Variants in LMO3 observed in about 807,000 individuals in gnomAD.
The protein encoded by LMO3 is LIM domain only 3.
LMO3 carries 2 observed loss-of-function variants against 15.8 expected under a neutral mutation model. The observed-to-expected ratio is 0.13, with a 90% CI of 0.05 to 0.40. The LOEUF is 0.40. Among genes scored for constraint, LMO3 ranks in the 10% least tolerant of loss-of-function variants. The pLI is 0.99. For missense variants in LMO3, 86 were observed against 182.2 expected (o/e 0.47, Z 3.04); for synonymous variants, 62 against 63.8 (o/e 0.97, Z 0.13).
At chr12:16,602,030 G>C (rs1368026992) in intron 1 of LMO3, 1 of 152,176 alleles carries the variant, frequency 6.6e-6, no homozygotes, top group African/African-American at 2.4e-5. Context: ...AGGCCCAAGA[G>C]AGGTTCAGAG....
chr12:16,558,856 A>G (rs1413536508), intron 3 of LMO3, among the ~76,000 whole-genome samples: 1 of 152,204 alleles, frequency 6.6e-6, no homozygotes, highest in Non-Finnish European at 1.5e-5. Flanking sequence ...GACATTTAAT[A>G]TAAATTAATT....
upstream of LMO3, chr12:16,609,331 G>C (rs1944084340): frequency 6.6e-6 from 1 of 152,074 alleles, no homozygotes; most frequent in Admixed American, 6.5e-5. Context: ...CCCCTCCCGC[G>C]AGGGAAAAAG....
intron 2 of LMO3, among the ~76,000 whole-genome samples, chr12:16,566,605 A>G (rs1942620426): frequency 1.3e-5 from 2 of 152,038 alleles, no homozygotes; most frequent in Admixed American, 1.3e-4. Context: ...AAGAAAAGAC[A>G]TTTTCTATTT....
At chr12:16,566,264 G>C (rs191835056) in intron 2 of LMO3, among the ~76,000 whole-genome samples, 119 of 151,530 alleles carry the variant, frequency 7.9e-4, no homozygotes, top group African/African-American at 2.7e-3. Context: ...GAGGGAAGGA[G>C]GAAGGGGAGA....
rs923902565 is a variant in LMO3, at chr12:16,549,777, G to A, written c.*1445C>T. ...AAAGAAGCAAGTTTGTGGGCAACTC[G>A]GAAGAGGGGATCATATTCTCATTTC... On this transcript the variant is annotated 3_prime_UTR_variant, in exon 4 of 4. Coordinates refer to ENST00000537304, the MANE Select transcript of LMO3 (RefSeq NM_018640.5). The A allele has an allele frequency of 2.6e-5, 4 of 152,168 alleles. No homozygotes were observed. In the East Asian group the frequency reaches 5.8e-4, roughly 22 times the overall value. The allele number at this position is 152,168 out of a possible 1,614,324, so 9.4% of individuals were successfully genotyped here. A position where few individuals can be genotyped will look rare whatever the true frequency, so the allele number is the denominator to read the frequency against.
At chr12:16,554,898 T>TCCGC (rs1170164791) in intron 3 of LMO3, among the ~76,000 whole-genome samples, 6 of 152,102 alleles carry the variant, frequency 3.9e-5, no homozygotes, top group South Asian at 2.1e-4. Flanking sequence ...AACCTCGTGA[T>TCCGC]CCGCCCGCCC....
At position 16,560,932 on chromosome 12, in the gene LMO3, A is replaced by C. The variant is rs1406756360; in HGVS notation, c.207-394T>G. On this transcript the variant is annotated intron_variant, in intron 2 of 3. Transcript: ENST00000537304. The surrounding 1 kb of genome is among the most constrained non-coding windows in gnomAD (Gnocchi z 5.0). ...AGTTGGGAAAGGAACCAACTAATGA[A>C]TGATTCACTACTTTTTGACATTTAG... 2.1e-5 allele frequency: 4 copies of C among 188,578 alleles called. No homozygotes were observed. The highest frequency in any genetic ancestry group is 3.4e-5 in the Non-Finnish European group (3 of 88,358). The allele number at this position is 188,578 out of a possible 1,614,324, so 11.7% of individuals were successfully genotyped here.
chr12:16,586,962 A>G lies in LMO3; in HGVS notation c.206+13693T>C, dbSNP rs190428608. Among the ~76,000 whole-genome samples the G allele has an allele frequency of 6.6e-6, 1 of 152,328 alleles. No homozygotes were observed. Among genetic ancestry groups the G allele is most frequent in the Admixed American group, 6.5e-5 (1 of 15,294 alleles). On this transcript the variant is annotated intron_variant, in intron 2 of 3. Coordinates refer to ENST00000537304, the MANE Select transcript of LMO3 (RefSeq NM_018640.5). The surrounding 1 kb of genome is among the most constrained non-coding windows in gnomAD (Gnocchi z 4.3). ...ATAGCTTAAAAACACATGCTTTATC[A>G]TCATTCAGTAGCAGTTTATTCATTA...
chr12:16,590,604 A>G (rs200837607), intron 2 of LMO3, among the ~76,000 whole-genome samples: 1 of 137,396 alleles, frequency 7.3e-6, no homozygotes, highest in African/African-American at 3.3e-5. Flanking sequence ...CCTAAGAATT[A>G]AAAAAAAAAA....
At chr12:16,580,950 CAG>C (rs2137534673) in intron 2 of LMO3, among the ~76,000 whole-genome samples, 1 of 152,280 alleles carries the variant, frequency 6.6e-6, no homozygotes, top group East Asian at 1.9e-4. Flanking sequence ...ATATACAACA[CAG>C]ACATTCAGTC....
At chr12:16,590,194 T>A (rs1943446755) in intron 2 of LMO3, among the ~76,000 whole-genome samples, 1 of 152,074 alleles carries the variant, frequency 6.6e-6, no homozygotes, top group African/African-American at 2.4e-5. Flanking sequence ...ATATTTAACT[T>A]TTGGCTTTGA....
At chr12:16,578,818 AAACAACAACAACAAC>A (rs201327858) in intron 2 of LMO3, among the ~76,000 whole-genome samples, 37 of 141,136 alleles carry the variant, frequency 2.6e-4, no homozygotes, top group Admixed American at 1.6e-3. Context: ...ATTCTGTCTC[AAACAACAACAACAAC>A]AACAACAACA....
chr12:16,602,927 G>A (rs1349681159), intron 1 of LMO3, among the ~76,000 whole-genome samples: 1 of 151,640 alleles, frequency 6.6e-6, no homozygotes, highest in Non-Finnish European at 1.5e-5. Flanking sequence ...CCTAATTAAC[G>A]GCCATTCTAT....
intron 2 of LMO3, among the ~76,000 whole-genome samples, chr12:16,562,396 C>T (rs570051785): frequency 4.9e-4 from 75 of 152,180 alleles, no homozygotes; most frequent in Non-Finnish European, 9.6e-4. Flanking sequence ...GCGATAAAGC[C>T]GTTTTTAAGA....
intron 1 of LMO3, chr12:16,605,775 G>T (rs1479954930): frequency 1.3e-6 from 2 of 1,535,432 alleles, no homozygotes; most frequent in African/African-American, 2.7e-5. Flanking sequence ...TACTTGAGAC[G>T]TTCCGCGCCG....
chr12:16,600,874 G>A lies in LMO3; in HGVS notation c.-8-6C>T. The A allele has an allele frequency of 6.2e-7, 1 of 1,611,508 alleles. No homozygotes were observed. The highest frequency in any genetic ancestry group is 8.5e-7 in the Non-Finnish European group (1 of 1,178,550). ...GACTGAGAGCATTTGTATACCTAAAGGAAGACAAAAGCAAAAAAGAGAGCT... is the reference window on the plus strand; with the variant it reads ...GACTGAGAGCATTTGTATACCTAAAAGAAGACAAAAGCAAAAAAGAGAGCT... On this transcript the variant is annotated splice_polypyrimidine_tract_variant and splice_region_variant and intron_variant, in intron 1 of 3. Transcript: ENST00000537304.
intron 1 of LMO3, chr12:16,605,103 G>A (rs2137738594): frequency 1.4e-6 from 2 of 1,438,588 alleles, no homozygotes; most frequent in South Asian, 1.5e-5. Context: ...GACAAGACAG[G>A]GCGCACACAC....
In LMO3 at chr12:16,604,685, A is replaced by T; in HGVS notation, c.-9+1381T>A. On this transcript the variant is annotated intron_variant, in intron 1 of 3. Coordinates refer to ENST00000537304, the MANE Select transcript of LMO3 (RefSeq NM_018640.5). This position sits in a 1 kb window ranked among gnomAD's most constrained non-coding sequence, Gnocchi z 5.3. ...AGGGATGGTTTGCAAAGAATGTAGC[A>T]GTATTTGTTGCATCTAGCAAGATTA... The T allele has an allele frequency of 1.5e-6, 1 of 657,256 alleles. No individual in the cohort carries two copies. The highest frequency in any genetic ancestry group is 2.6e-6 in the Non-Finnish European group (1 of 383,458). The allele number at this position is 657,256 out of a possible 1,614,324, so 40.7% of individuals were successfully genotyped here. A position where few individuals can be genotyped will look rare whatever the true frequency, so the allele number is the denominator to read the frequency against.
chr12:16,597,380 A>G lies in LMO3; in HGVS notation c.206+3275T>C, dbSNP rs574743686. Among the ~76,000 whole-genome samples the G allele has an allele frequency of 6.6e-6, 1 of 151,792 alleles. No individual in the cohort carries two copies. The highest frequency in any genetic ancestry group is 1.5e-5 in the Non-Finnish European group (1 of 67,750). On this transcript the variant is annotated intron_variant, in intron 2 of 3. Coordinates refer to ENST00000537304, the MANE Select transcript of LMO3 (RefSeq NM_018640.5). This position sits in a 1 kb window ranked among gnomAD's most constrained non-coding sequence, Gnocchi z 5.0. The stretch of plus-strand genomic sequence containing the variant: ...AATTATTATATTTTCATATTATTTA[A>G]TATCTCAAATCATCATTCAAAGAAC...
Sources: gnomAD v4.1 joint callset for allele counts (sites outside exome capture counted in the v4.1 genomes callset) on GRCh38, gnomAD v4.1.1 for gene constraint, Gnocchi (gnomAD v3.1) non-coding constraint, MANE v1.5 for transcripts, NCBI Gene and HGNC (gene_info 2026-07-23, HGNC 2026-07-21) for gene names.